Variants in AP1M2 observed in about 807,000 individuals in gnomAD.
AP1M2 encodes adaptor related protein complex 1 subunit mu 2, also known as AP-1 complex subunit mu-2.
Under a neutral mutation model 54.6 loss-of-function variants are expected in AP1M2, and 41 were observed. The ratio of observed to expected loss-of-function variants is 0.75; its 90% CI spans 0.59 to 0.97. The LOEUF is 0.97. AP1M2 is among the 50% of genes least tolerant of loss of function. The pLI is 0.00. For synonymous variants in AP1M2, 219 were observed against 215.9 expected (o/e 1.01, Z -0.13); for missense variants, 507 against 561.2 (o/e 0.90, Z 0.98).
At chr19:10,576,542 G>A (rs868296160) in intron 9 of AP1M2, among the ~76,000 whole-genome samples, 1 of 151,704 alleles carries the variant, frequency 6.6e-6, no homozygotes, top group African/African-American at 2.4e-5. Context: ...GATTACAGGC[G>A]TGAGCCACCG....
intron 1 of AP1M2, 141 bp downstream of exon 1, chr19:10,587,049 G>T: frequency 1.1e-6 from 1 of 926,918 alleles, no homozygotes; most frequent in Non-Finnish European, 1.6e-6. Flanking sequence ...GCGAGTGGAT[G>T]CTGGAGGTGG....
In AP1M2 at chr19:10,579,938, T is replaced by C; in HGVS notation, c.674-80A>G. The C allele has an allele frequency of 2.8e-6, 4 of 1,407,298 alleles. No individual in the cohort carries two copies. The South Asian group carries it at 5.8e-5, about 20-fold the overall frequency. The allele number at this position is 1,407,298 out of a possible 1,614,324, so 87.2% of individuals were successfully genotyped here. A position where few individuals can be genotyped will look rare whatever the true frequency, so the allele number is the denominator to read the frequency against. ...TATCCCCACCTTTCCTGCCGACCAC[T>C]GTCACCTATTTCACATATGGGGAAA... is the stretch of plus-strand genomic sequence containing the variant. On this transcript the variant is annotated intron_variant, in intron 6 of 11. Coordinates refer to ENST00000250244, the MANE Select transcript of AP1M2 (RefSeq NM_005498.5).
chr19:10,573,009 A>G lies in AP1M2; in HGVS notation c.*57T>C. 1 of 1,537,718 alleles carries G rather than the reference A, an allele frequency of 6.5e-7. No homozygotes were observed. The highest frequency in any genetic ancestry group is 8.8e-7 in the Non-Finnish European group (1 of 1,133,888). ...AGCCCGCACCTGCCCTCCCTCTAAAATCTGCATCCGGGGCTGTAAGGAAGC... is the reference window on the plus strand; with the variant it reads ...AGCCCGCACCTGCCCTCCCTCTAAAGTCTGCATCCGGGGCTGTAAGGAAGC... On this transcript the variant is annotated 3_prime_UTR_variant, in exon 12 of 12. Coordinates refer to ENST00000250244, the MANE Select transcript of AP1M2 (RefSeq NM_005498.5).
intron 1 of AP1M2, 93 bp downstream of exon 1, chr19:10,587,087 GTGTTCCCAGA>G (rs1917672617): frequency 5.5e-6 from 7 of 1,266,406 alleles, no homozygotes; most frequent in Non-Finnish European, 6.6e-6. Flanking sequence ...GGGGGAGGGG[GTGTTCCCAGA>G]CCTCTTCCTG....
Position 10,577,201 on chromosome 19 carries a change from GAA to G in AP1M2, c.1042_1043del (p.Phe348ProfsTer33), listed in dbSNP as rs771805866. ...RNVVIWSIKS[F>X]PGGKEYLMRA... ...CCCGCCAGTCCCTGGTACTTACCGG[GAA>G]AGACTTAATACTCCAAATCACGACG... On this transcript the variant is annotated frameshift_variant, in exon 9 of 12. Transcript: ENST00000250244. LOFTEE classifies it high-confidence loss of function. 19 of 1,611,294 alleles carry G rather than the reference GAA, an allele frequency of 1.2e-5. No individual in the cohort carries two copies.
At chr19:10,578,487 A>C (rs76746084) in intron 8 of AP1M2, among the ~76,000 whole-genome samples, 6 of 139,538 alleles carry the variant, frequency 4.3e-5, no homozygotes, top group African/African-American at 1.6e-4. Context: ...TTCTCAAAAA[A>C]CAAACGAACA....
intron 1 of AP1M2, among the ~76,000 whole-genome samples, chr19:10,585,298 A>AAGGAAG (rs1917609884): frequency 1.0e-4 from 9 of 87,270 alleles, no homozygotes; most frequent in African/African-American, 1.2e-4. Context: ...AAAGAAAGAA[A>AAGGAAG]GAAAGAAAGA....
At chr19:10,582,023 G>C in intron 3 of AP1M2, 145 bp from the exon 4 acceptor site, 1 of 868,364 alleles carries the variant, frequency 1.2e-6, no homozygotes, top group South Asian at 1.9e-5. Context: ...GGGCAATATA[G>C]TGAACCCCTA....
Position 10,581,766 on chromosome 19 carries a change from TCGGTGGTCTG to T in AP1M2, c.370_379del (p.Gln124ThrfsTer50). On this transcript the variant is annotated frameshift_variant, in exon 4 of 12. Coordinates refer to ENST00000250244, the MANE Select transcript of AP1M2 (RefSeq NM_005498.5). LOFTEE classifies it high-confidence loss of function. ...CACTCACTCCTGCAGGATCTTGCTG[TCGGTGGTCTG>T]CGGGAAGCCAAAGTCCATGAGCTCG... 2 of 1,613,794 alleles carry T rather than the reference TCGGTGGTCTG, an allele frequency of 1.2e-6. No homozygotes were observed. Among genetic ancestry groups the T allele is most frequent in the Non-Finnish European group, 1.7e-6 (2 of 1,179,972 alleles).
In AP1M2 at chr19:10,574,885, C is replaced by T; in HGVS notation, c.1173+19G>A. 6.3e-7 allele frequency: 1 copy of T among 1,596,320 alleles called. No individual in the cohort carries two copies. Among genetic ancestry groups the T allele is most frequent in the African/African-American group, 1.3e-5 (1 of 74,362 alleles). On this transcript the variant is annotated intron_variant, in intron 10 of 11. Transcript: ENST00000250244. The stretch of plus-strand genomic sequence containing the variant: ...CCACCGAAGTCAAGGGGAGGATCCT[C>T]CCTGCCTGCTTCTCTCACCTGGATC...
rs879313651 is a variant in AP1M2 at position 10,585,272 on chromosome 19, GAAAGAAGAAAAAAAGAAAGAAAGA to G, written c.43-1226_43-1203del. ...GGAAAGAAGGAAAGAAGGAAAGAAA[GAAAGAAGAAAAAAAGAAAGAAAGA>G]AAGAAAGAAAGAAAGAAAGAAAGAA... On this transcript the variant is annotated intron_variant, in intron 1 of 11. Transcript: ENST00000250244. Among the ~76,000 whole-genome samples, 1,027 of 108,910 alleles carry G rather than the reference GAAAGAAGAAAAAAAGAAAGAAAGA, an allele frequency of 9.4e-3. 23 individuals are homozygous for G. The highest frequency in any genetic ancestry group is 0.015 in the Non-Finnish European group (789 of 54,088). 71.4% of individuals were successfully genotyped at this position (108,910 alleles called of 152,430 possible).
At chr19:10,577,884 G>C (rs750989386) in intron 8 of AP1M2, among the ~76,000 whole-genome samples, 1 of 151,912 alleles carries the variant, frequency 6.6e-6, no homozygotes, top group Non-Finnish European at 1.5e-5. Context: ...TTACAGGCAT[G>C]TGCCACCACG....
chr19:10,577,877 C>T (rs1253462554), intron 8 of AP1M2, among the ~76,000 whole-genome samples: 1 of 151,968 alleles, frequency 6.6e-6, no homozygotes, highest in Non-Finnish European at 1.5e-5. Flanking sequence ...GGTGGGATTA[C>T]AGGCATGTGC....
rs781245979 is a variant in AP1M2 at position 10,587,274 on chromosome 19, G to A, written c.-43C>T. 4 of 1,554,964 alleles carry A rather than the reference G, an allele frequency of 2.6e-6. No individual in the cohort carries two copies. Among genetic ancestry groups the A allele is most frequent in the Non-Finnish European group, 3.5e-6 (4 of 1,149,092 alleles). On this transcript the variant is annotated 5_prime_UTR_variant, in exon 1 of 12. Coordinates refer to ENST00000250244, the MANE Select transcript of AP1M2 (RefSeq NM_005498.5). ...TTAGGAGTCGGGGAGGGAGCGCCGGGAGGCGATGGCGGCGCCGCTTCCTTC... is the reference window on the plus strand; with the variant it reads ...TTAGGAGTCGGGGAGGGAGCGCCGGAAGGCGATGGCGGCGCCGCTTCCTTC...
intron 9 of AP1M2, among the ~76,000 whole-genome samples, chr19:10,576,008 C>T (rs1917219410): frequency 6.7e-6 from 1 of 150,322 alleles, no homozygotes; most frequent in Non-Finnish European, 1.5e-5. Flanking sequence ...CTCCTGACCT[C>T]GTAATCTGCC....
chr19:10,578,878 C>A lies in AP1M2; in HGVS notation c.888+14G>T, dbSNP rs1188908180. ...AGATCATGCATTGTTAATAAGCATT[C>A]CCCCAAGGCCCACCTTGACCATGAT... is the stretch of plus-strand genomic sequence containing the variant. On this transcript the variant is annotated intron_variant, in intron 8 of 11. Transcript: ENST00000250244. 11 of 1,599,326 alleles carry A rather than the reference C, an allele frequency of 6.9e-6. No individual in the cohort carries two copies. Among genetic ancestry groups the A allele is most frequent in the African/African-American group, 1.3e-5 (1 of 74,350 alleles).
Position 10,583,594 on chromosome 19 carries a change from G to T in AP1M2, c.267+12C>A, listed in dbSNP as rs1917532391. On this transcript the variant is annotated intron_variant, in intron 3 of 11. Coordinates refer to ENST00000250244, the MANE Select transcript of AP1M2 (RefSeq NM_005498.5). Reference sequence around the variant, plus strand: ...GGATAGACCAGTTAGCCAATGGGAGGCTAGTACCTACCTCTATTGTCTTAT... The same window carrying T: ...GGATAGACCAGTTAGCCAATGGGAGTCTAGTACCTACCTCTATTGTCTTAT... The T allele has an allele frequency of 7.5e-6, 12 of 1,597,052 alleles. No individual in the cohort carries two copies. Among genetic ancestry groups the T allele is most frequent in the Non-Finnish European group, 1.0e-5 (12 of 1,166,426 alleles).
At chr19:10,577,062 G>T in intron 9 of AP1M2, 136 bp downstream of exon 9, 3 of 961,522 alleles carry the variant, frequency 3.1e-6, no homozygotes, top group Non-Finnish European at 4.7e-6. Flanking sequence ...CAAAGTACTG[G>T]CATTCCAGTC....
At chr19:10,586,142 G>A (rs1199666811) in intron 1 of AP1M2, among the ~76,000 whole-genome samples, 1 of 152,016 alleles carries the variant, frequency 6.6e-6, no homozygotes, top group Non-Finnish European at 1.5e-5. Flanking sequence ...AATTAGCCGG[G>A]CGTGATGGTG....
Sources: gnomAD v4.1 joint callset for allele counts (sites outside exome capture counted in the v4.1 genomes callset) on GRCh38, gnomAD v4.1.1 for gene constraint, MANE v1.5 for transcripts, NCBI Gene and HGNC (gene_info 2026-07-23, HGNC 2026-07-21) for gene names.